The following GAB2 variants were observed in gnomAD, a reference collection of about 807,000 sequenced individuals.
GAB2 encodes GRB2 associated binding protein 2.
In GAB2, 26 loss-of-function variants were observed where a neutral mutation model predicts 65.5. The observed-to-expected ratio is 0.40, with a 90% CI of 0.29 to 0.55. The LOEUF is 0.55. GAB2 is among the 20% of genes least tolerant of loss of function. The pLI is 0.53. For synonymous variants in GAB2, 321 were observed against 329.6 expected, an observed-to-expected ratio of 0.97 and a Z score of 0.28; for missense variants, 884 against 875.8, an observed-to-expected ratio of 1.01 and a Z score of -0.12.
At chr11:78,327,904 C>CCTTA (rs1855851900) in intron 1 of GAB2, among the ~76,000 whole-genome samples, 1 of 151,886 alleles carries the variant, frequency 6.6e-6, no homozygotes, top group Admixed American at 6.6e-5. Context: ...ATGTTAAAGA[C>CCTTA]CTCTATAAAC....
chr11:78,300,516 T>TAAAAA (rs138790128), intron 1 of GAB2, among the ~76,000 whole-genome samples: 7 of 142,874 alleles, frequency 4.9e-5, no homozygotes, highest in East Asian at 4.5e-4. Flanking sequence ...TTTAATTTTA[T>TAAAAA]AAAAAAACAA....
At position 78,417,696 on chromosome 11, in the gene GAB2, A is replaced by G; in HGVS notation, c.25T>C (p.Cys9Arg). MSGGGDVV[C>R]TGWLRKSPPE... is the part of the protein sequence containing the mutation. ...GGCGATTTCCTCAGCCAGCCGGTGC[A>G]CACCACGTCGCCGCCGCCGCTCATG... is the stretch of plus-strand genomic sequence containing the variant. Residue 9 changes from cysteine to arginine, a missense_variant, in exon 1 of 10, where the codon TGC becomes CGC. Cys to Arg is a radical substitution (Grantham distance 180). Coordinates refer to ENST00000361507, the MANE Select transcript of GAB2 (RefSeq NM_080491.3). 1 of 1,360,628 alleles carries G rather than the reference A, an allele frequency of 7.3e-7. No individual in the cohort carries two copies. The highest frequency in any genetic ancestry group is 1.4e-5 in the South Asian group (1 of 71,594). 84.3% of individuals were successfully genotyped at this position (1,360,628 alleles called of 1,614,324 possible).
At position 78,223,514 on chromosome 11, in the gene GAB2, G is replaced by A; in HGVS notation, c.1465C>T (p.Leu489Phe). 6.2e-7 allele frequency: 1 copy of A among 1,612,688 alleles called. No individual in the cohort carries two copies. Among genetic ancestry groups the A allele is most frequent in the Non-Finnish European group, 8.5e-7 (1 of 1,179,350 alleles). Residue 489 changes from leucine to phenylalanine, a missense_variant, in exon 6 of 10, where the codon CTT (leucine) becomes TTT (phenylalanine). Physicochemically the swap from Leu to Phe is conservative, Grantham distance 22. Transcript: ENST00000361507. Reference protein sequence around the residue: ...MSPGAHHFDSLGYPSTTLPVH... With the variant: ...MSPGAHHFDSFGYPSTTLPVH... ...GGAAGGGTTGTTGATGGGTAGCCAA[G>A]TGAGTCAAAGTGATGGGCCCCTGGG...
chr11:78,283,375 A>AT (rs556232575), intron 1 of GAB2, among the ~76,000 whole-genome samples: 2 of 152,264 alleles, frequency 1.3e-5, no homozygotes, highest in South Asian at 4.1e-4. Context: ...GAATCGTTGC[A>AT]TTTTTCCTCC....
At chr11:78,366,585 CAAAAAAAAAAAA>C (rs33997665) in intron 1 of GAB2, among the ~76,000 whole-genome samples, 1 of 32,950 alleles carries the variant, frequency 3.0e-5, no homozygotes, top group Non-Finnish European at 4.8e-5. Context: ...GACTCCATCT[CAAAAAAAAAAAA>C]AAAAAAAAAA....
At chr11:78,267,263 A>G (rs1865895764) in intron 2 of GAB2, among the ~76,000 whole-genome samples, 1 of 152,196 alleles carries the variant, frequency 6.6e-6, no homozygotes, top group Admixed American at 6.5e-5. Flanking sequence ...CACTGGCTTT[A>G]TGCTGGGATG....
At chr11:78,263,746 A>G (rs1462684449) in intron 2 of GAB2, among the ~76,000 whole-genome samples, 5 of 151,862 alleles carry the variant, frequency 3.3e-5, no homozygotes, top group African/African-American at 1.2e-4. Context: ...TTTCCATATC[A>G]CAGAAGCACA....
intron 3 of GAB2, among the ~76,000 whole-genome samples, chr11:78,235,994 AT>A (rs1040795390): frequency 1.3e-5 from 2 of 152,154 alleles, no homozygotes; most frequent in Non-Finnish European, 2.9e-5. Context: ...CGAGACTGGG[AT>A]TTTTATTTGG....
rs867446656 is a variant in GAB2 at position 78,218,056 on chromosome 11, T to A, written c.*1216A>T. Reference sequence around the variant, plus strand: ...CCACCCTGCACCCCCAAGGATTGCGTTGGGCACCCCCCAACTCCCAGGCCC... The same window carrying A: ...CCACCCTGCACCCCCAAGGATTGCGATGGGCACCCCCCAACTCCCAGGCCC... On this transcript the variant is annotated 3_prime_UTR_variant, in exon 10 of 10. Transcript: ENST00000361507. 1.3e-5 allele frequency: 2 copies of A among 152,996 alleles called. No individual in the cohort carries two copies. The highest frequency in any genetic ancestry group is 4.8e-5 in the African/African-American group (2 of 41,444). 9.5% of individuals were successfully genotyped at this position (152,996 alleles called of 1,614,324 possible).
intron 2 of GAB2, among the ~76,000 whole-genome samples, chr11:78,262,526 T>C (rs561947131): frequency 2.6e-5 from 4 of 152,076 alleles, no homozygotes; most frequent in Non-Finnish European, 5.9e-5. Context: ...GGTACAAAAA[T>C]GGGGTCAGCT....
chr11:78,361,798 A>G (rs1399745936), intron 1 of GAB2, among the ~76,000 whole-genome samples: 1 of 152,224 alleles, frequency 6.6e-6, no homozygotes, highest in Non-Finnish European at 1.5e-5. Flanking sequence ...GCAATGTGGC[A>G]AAATTACATA....
At chr11:78,234,251 T>G (rs1330661898) in intron 3 of GAB2, among the ~76,000 whole-genome samples, 1 of 152,110 alleles carries the variant, frequency 6.6e-6, no homozygotes, top group Non-Finnish European at 1.5e-5. Flanking sequence ...CCTGGCTACT[T>G]TTTGTATTTT....
At chr11:78,298,097 T>C (rs1866890492) in intron 1 of GAB2, among the ~76,000 whole-genome samples, 1 of 152,192 alleles carries the variant, frequency 6.6e-6, no homozygotes, top group Non-Finnish European at 1.5e-5. Context: ...TGGCCTATAA[T>C]AATTGCATTG....
At chr11:78,336,070 T>C (rs1409295600) in intron 1 of GAB2, among the ~76,000 whole-genome samples, 2 of 151,936 alleles carry the variant, frequency 1.3e-5, no homozygotes, top group Non-Finnish European at 2.9e-5. Flanking sequence ...TCCCAGTACT[T>C]TGGGAGGCGG....
intron 1 of GAB2, among the ~76,000 whole-genome samples, chr11:78,322,581 A>G (rs1855747007): frequency 6.6e-6 from 1 of 151,998 alleles, no homozygotes; most frequent in Admixed American, 6.6e-5. Flanking sequence ...AATACTGAGA[A>G]TCTTTATCTA....
At chr11:78,407,101 A>G (rs1321057353) in intron 1 of GAB2, among the ~76,000 whole-genome samples, 1 of 152,202 alleles carries the variant, frequency 6.6e-6, no homozygotes, top group East Asian at 1.9e-4. Flanking sequence ...TACAGAAGCT[A>G]TGGAACTACA....
intron 1 of GAB2, among the ~76,000 whole-genome samples, chr11:78,312,513 C>T (rs1024899370): frequency 6.6e-6 from 1 of 152,222 alleles, no homozygotes; most frequent in African/African-American, 2.4e-5. Flanking sequence ...GCAACCTCCA[C>T]CTCGCTGTTT....
chr11:78,224,457 C>T (rs1403067928), intron 5 of GAB2, among the ~76,000 whole-genome samples: 2 of 152,126 alleles, frequency 1.3e-5, no homozygotes, highest in African/African-American at 4.8e-5. Flanking sequence ...GGGGCTCACT[C>T]CAGGCACCTA....
At chr11:78,344,364 A>G (rs904723184) in intron 1 of GAB2, among the ~76,000 whole-genome samples, 9 of 152,248 alleles carry the variant, frequency 5.9e-5, no homozygotes, top group Admixed American at 5.2e-4. Context: ...AAAATCTCCA[A>G]TTAAGATAAA....
Sources: allele counts gnomAD v4.1 joint callset (sites outside exome capture counted in the v4.1 genomes callset), GRCh38; gene constraint gnomAD v4.1.1; transcripts MANE v1.5; gene names NCBI Gene and HGNC (gene_info 2026-07-23, HGNC 2026-07-21).